The following DCLK1 variants were observed in gnomAD, a reference collection of about 807,000 sequenced individuals.
The protein encoded by DCLK1 is doublecortin like kinase 1.
Under a neutral mutation model 86.2 loss-of-function variants are expected in DCLK1, and 16 were observed. The ratio of observed to expected loss-of-function variants is 0.19; its 90% CI spans 0.13 to 0.28. The LOEUF (loss-of-function observed/expected upper bound fraction) is 0.28, where lower values mean the gene tolerates loss of function less well. DCLK1 is among the 10% of genes least tolerant of loss of function. The pLI, the probability that DCLK1 is intolerant of heterozygous loss-of-function variation, is 1.00. For missense variants in DCLK1, 590 were observed against 940.2 expected (o/e 0.63, Z 4.87); for synonymous variants, 369 against 370.5 (o/e 1.00, Z 0.05).
At chr13:36,016,261 C>T (rs1881534327) in intron 3 of DCLK1, among the ~76,000 whole-genome samples, 1 of 152,138 alleles carries the variant, frequency 6.6e-6, no homozygotes, top group African/African-American at 2.4e-5. Context: ...GCAAATTTAA[C>T]CTACAGTACA....
intron 8 of DCLK1, among the ~76,000 whole-genome samples, chr13:35,830,341 A>T (rs368980115): frequency 8.5e-5 from 13 of 152,308 alleles, no homozygotes; most frequent in African/African-American, 2.4e-4. Context: ...CAGTGAGCCG[A>T]GATCATGCCA....
intron 12 of DCLK1, among the ~76,000 whole-genome samples, chr13:35,810,387 C>A (rs1402502164): frequency 6.6e-6 from 1 of 152,146 alleles, no homozygotes; most frequent in African/African-American, 2.4e-5. Flanking sequence ...TGTTTGTACT[C>A]CACGGAAAAT....
intron 3 of DCLK1, among the ~76,000 whole-genome samples, chr13:35,972,929 C>A (rs1050750103): frequency 6.6e-6 from 1 of 152,068 alleles, no homozygotes; most frequent in Non-Finnish European, 1.5e-5. Context: ...TCATGCTGTA[C>A]AAATGCATTA....
At chr13:35,917,680 A>G (rs1436062775) in intron 4 of DCLK1, among the ~76,000 whole-genome samples, 2 of 152,226 alleles carry the variant, frequency 1.3e-5, no homozygotes, top group African/African-American at 2.4e-5. Context: ...CTGGATACCT[A>G]CTGAATTCGA....
chr13:36,043,212 T>C lies in DCLK1; in HGVS notation c.723+68657A>G, dbSNP rs563704319. On this transcript the variant is annotated intron_variant, in intron 3 of 16. Transcript: ENST00000360631. ...AAATTTGGGAAAGTGTAATTGACCA[T>C]GAAAAAATGTTAATTTCCTCAGAGA... 5.3e-5 allele frequency among the ~76,000 whole-genome samples: 8 copies of C among 152,074 alleles called. No homozygotes were observed. The South Asian group carries it at 1.7e-3, about 32-fold the overall frequency.
chr13:36,117,452 A>G (rs1292302362), intron 2 of DCLK1, among the ~76,000 whole-genome samples: 1 of 152,224 alleles, frequency 6.6e-6, no homozygotes, highest in African/African-American at 2.4e-5. Context: ...TTGCAGCAAC[A>G]AAATAATACA....
chr13:36,119,020 T>G (rs1002081100), intron 2 of DCLK1, among the ~76,000 whole-genome samples: 2 of 152,190 alleles, frequency 1.3e-5, no homozygotes, highest in African/African-American at 4.8e-5. Flanking sequence ...CCTTAATACC[T>G]TTACATGTGA....
At chr13:35,922,038 C>CA (rs1875833638) in intron 4 of DCLK1, among the ~76,000 whole-genome samples, 1 of 152,160 alleles carries the variant, frequency 6.6e-6, no homozygotes, top group South Asian at 2.1e-4. Flanking sequence ...TTCTATCCAA[C>CA]AAAAACCTTA....
chr13:35,956,402 T>A (rs371476130), intron 3 of DCLK1, among the ~76,000 whole-genome samples: 1 of 152,216 alleles, frequency 6.6e-6, no homozygotes, highest in East Asian at 1.9e-4. Context: ...TGTGGCATGG[T>A]TTCTAATTAG....
intron 16 of DCLK1, among the ~76,000 whole-genome samples, chr13:35,787,293 T>A (rs1253422687): frequency 6.7e-6 from 1 of 148,900 alleles, no homozygotes; most frequent in African/African-American, 2.5e-5. Context: ...TTTTTTTTTT[T>A]CAAATACTAA....
Position 35,769,285 on chromosome 13 carries a change from T to C in DCLK1, c.*5250A>G, listed in dbSNP as rs778524775. ...AATTCAGTATTTTCAAAAGAAATAT[T>C]GAATTTTTTTCTTGAGTCAAATTGA... is the stretch of plus-strand genomic sequence containing the variant. On this transcript the variant is annotated 3_prime_UTR_variant, in exon 17 of 17. Transcript: ENST00000360631. The C allele has an allele frequency of 1.3e-5, 2 of 152,174 alleles. No homozygotes were observed. Among genetic ancestry groups the C allele is most frequent in the African/African-American group, 2.4e-5 (1 of 41,426 alleles). The allele number at this position is 152,174 out of a possible 1,614,324, so 9.4% of individuals were successfully genotyped here. A position where few individuals can be genotyped will look rare whatever the true frequency, so the allele number is the denominator to read the frequency against.
At chr13:35,782,182 C>A (rs974438203) in intron 16 of DCLK1, among the ~76,000 whole-genome samples, 2 of 152,170 alleles carry the variant, frequency 1.3e-5, no homozygotes, top group African/African-American at 4.8e-5. Context: ...TAATCTTAAA[C>A]ATAGGCTTCT....
chr13:35,981,611 A>G (rs961328707), intron 3 of DCLK1, among the ~76,000 whole-genome samples: 10 of 152,314 alleles, frequency 6.6e-5, no homozygotes, highest in African/African-American at 2.4e-4. Context: ...TGCCCTTAAG[A>G]ATCCTCTGTG....
intron 15 of DCLK1, among the ~76,000 whole-genome samples, chr13:35,795,925 C>A (rs952391543): frequency 6.1e-3 from 543 of 89,710 alleles, no homozygotes; most frequent in South Asian, 0.014. Context: ...AACTCCATCT[C>A]AAAAAAAAAA....
At chr13:35,787,012 T>C (rs994655603) in intron 16 of DCLK1, among the ~76,000 whole-genome samples, 45 of 151,918 alleles carry the variant, frequency 3.0e-4, no homozygotes, top group African/African-American at 8.2e-4. Flanking sequence ...CTTTCCTATG[T>C]ACTATGTTTT....
At chr13:36,103,462 T>G (rs1300167323) in intron 3 of DCLK1, among the ~76,000 whole-genome samples, 1 of 150,518 alleles carries the variant, frequency 6.6e-6, no homozygotes, top group East Asian at 2.0e-4. Context: ...GCAAGGGTCA[T>G]CTTCTCAATG....
chr13:35,953,217 T>C (rs1292861305), intron 3 of DCLK1, among the ~76,000 whole-genome samples: 1 of 152,156 alleles, frequency 6.6e-6, no homozygotes, highest in Non-Finnish European at 1.5e-5. Context: ...ATCCCCATTT[T>C]ACAGATGAAA....
At chr13:36,083,382 C>T (rs1593874865) in intron 3 of DCLK1, among the ~76,000 whole-genome samples, 1 of 152,166 alleles carries the variant, frequency 6.6e-6, no homozygotes, top group South Asian at 2.1e-4. Context: ...TCTGTTAGGT[C>T]CCTCCTCAGT....
intron 3 of DCLK1, among the ~76,000 whole-genome samples, chr13:35,976,188 G>T (rs1879318573): frequency 6.6e-6 from 1 of 152,170 alleles, no homozygotes; most frequent in African/African-American, 2.4e-5. Context: ...TTGGAGGCAG[G>T]TTGGGAGGAG....
Sources: allele counts gnomAD v4.1 joint callset (sites outside exome capture counted in the v4.1 genomes callset), GRCh38; gene constraint gnomAD v4.1.1; transcripts MANE v1.5; gene names NCBI Gene and HGNC (gene_info 2026-07-23, HGNC 2026-07-21).